The following PRKAR1A variants were observed in gnomAD, a reference collection of about 807,000 sequenced individuals.
The protein encoded by PRKAR1A is cAMP-dependent protein kinase type I-alpha regulatory subunit.
In PRKAR1A, 3 loss-of-function variants were observed where a neutral mutation model predicts 52.0. The observed-to-expected ratio is 0.06, with a 90% confidence interval of 0.03 to 0.15. PRKAR1A has a LOEUF of 0.15. PRKAR1A is among the 10% of genes least tolerant of loss of function. PRKAR1A has a pLI of 1.00. For missense variants in PRKAR1A, 240 were observed against 477.4 expected, an observed-to-expected ratio of 0.50 and a Z score of 4.63; for synonymous variants, 188 against 168.4, an observed-to-expected ratio of 1.12 and a Z score of -0.90.
Position 68,542,649 on chromosome 17 carries a change from T to A in PRKAR1A, c.974-8435T>A, listed in dbSNP as rs72845862. On this transcript the variant is annotated intron_variant, in intron 11 of 11. Coordinates refer to the PRKAR1A transcript ENST00000585981. ...GAATGGAGGGGTGGACACTCTGGCT[T>A]ACGATCTACTCAGACCCGGAATATC... 2,668 of 1,468,192 alleles carry A rather than the reference T, an allele frequency of 1.8e-3. 3 individuals carry two copies. Among genetic ancestry groups the A allele is most frequent in the Non-Finnish European group, 2.3e-3 (2,437 of 1,047,168 alleles). The allele number at this position is 1,468,192 out of a possible 1,614,324, so 90.9% of individuals were successfully genotyped here.
At chr17:68,505,674 G>A in the PRKAR1A span, among the ~76,000 whole-genome samples, 8 of 152,198 alleles carry the variant, frequency 5.3e-5, no homozygotes, top group South Asian at 6.2e-4. Context: ...TTAGCTGGGC[G>A]TGGTGGTGTA....
At chr17:68,503,238 G>A in the PRKAR1A span, among the ~76,000 whole-genome samples, 3 of 152,308 alleles carry the variant, frequency 2.0e-5, no homozygotes, top group Non-Finnish European at 4.4e-5. Context: ...AGAGCAACAG[G>A]AGCTCTCATT....
the PRKAR1A span, among the ~76,000 whole-genome samples, chr17:68,435,031 AC>A: frequency 6.6e-6 from 1 of 151,930 alleles, no homozygotes; most frequent in Non-Finnish European, 1.5e-5. Flanking sequence ...GTGAAGTGAA[AC>A]CCCGTCTCCA....
intron 11 of PRKAR1A, among the ~76,000 whole-genome samples, chr17:68,548,978 C>T (rs1386447116): frequency 3.3e-5 from 5 of 151,832 alleles, no homozygotes; most frequent in South Asian, 2.1e-4. Flanking sequence ...GTGATCTGCC[C>T]GCCTCAGCCT....
the PRKAR1A span, among the ~76,000 whole-genome samples, chr17:68,434,060 G>A: frequency 1.3e-5 from 2 of 151,904 alleles, no homozygotes; most frequent in African/African-American, 4.8e-5. Context: ...GTGAGCCACC[G>A]CGCCCGGCCC....
the PRKAR1A span, chr17:68,444,525 T>C: frequency 1.9e-6 from 3 of 1,614,042 alleles, no homozygotes; most frequent in Non-Finnish European, 2.5e-6. Context: ...CAGGAGGGTC[T>C]TCAACAGCTT....
intron 11 of PRKAR1A, among the ~76,000 whole-genome samples, chr17:68,549,456 T>C (rs1008913195): frequency 6.7e-6 from 1 of 149,758 alleles, no homozygotes; most frequent in South Asian, 2.1e-4. Flanking sequence ...ATAGCGCCAC[T>C]GCACTCCAGC....
the PRKAR1A span, among the ~76,000 whole-genome samples, chr17:68,452,259 T>C: frequency 6.6e-6 from 1 of 152,184 alleles, no homozygotes; most frequent in Admixed American, 6.5e-5. Flanking sequence ...GGTGCCAATA[T>C]AATGGCAAAA....
rs748706913 is a variant in PRKAR1A, at chr17:68,522,736, A to T, written c.178-20A>T. On this transcript the variant is annotated intron_variant, in intron 2 of 10. Coordinates refer to ENST00000589228, the MANE Select transcript of PRKAR1A (RefSeq NM_002734.5). ...TACATGCCGAAGGATCTCATTTTGC[A>T]AACTCGTAATTTCTTTCAGGAGGAG... 6 of 1,613,826 alleles carry T rather than the reference A, an allele frequency of 3.7e-6. No individual in the cohort carries two copies. In the South Asian group the frequency reaches 4.4e-5, roughly 12 times the overall value.
At chr17:68,460,663 T>A in the PRKAR1A span, among the ~76,000 whole-genome samples, 1 of 152,250 alleles carries the variant, frequency 6.6e-6, no homozygotes, top group Non-Finnish European at 1.5e-5. Context: ...TATTTTTATA[T>A]AAATCTGTGC....
chr17:68,455,298 A>T, the PRKAR1A span, among the ~76,000 whole-genome samples: 1 of 148,706 alleles, frequency 6.7e-6, no homozygotes, highest in Non-Finnish European at 1.5e-5. Flanking sequence ...TGGGAGGCAG[A>T]GGCTGCACTG....
At chr17:68,457,570 A>T in the PRKAR1A span, 204 of 105,402 alleles carry the variant, frequency 1.9e-3, 12 homozygotes, top group East Asian at 0.018. Context: ...CCCCGTCCCC[A>T]CCCCGCCCCT....
chr17:68,428,392 C>A, the PRKAR1A span: 1 of 171,384 alleles, frequency 5.8e-6, no homozygotes, highest in Admixed American at 5.9e-5. Context: ...CCACAACCGG[C>A]TAATTTTTGT....
At chr17:68,542,608 G>T in intron 11 of PRKAR1A, 1 of 991,808 alleles carries the variant, frequency 1.0e-6, no homozygotes, top group Non-Finnish European at 1.6e-6. Flanking sequence ...TAGCAGCAGG[G>T]TGTCAGGCCA....
intron 2 of PRKAR1A, among the ~76,000 whole-genome samples, chr17:68,518,653 G>A (rs545924570): frequency 1.3e-5 from 2 of 152,380 alleles, no homozygotes; most frequent in East Asian, 1.9e-4. Context: ...CCTATGATGG[G>A]AGGGGCTGTC....
intron 11 of PRKAR1A, among the ~76,000 whole-genome samples, chr17:68,540,269 C>T (rs578173280): frequency 6.6e-6 from 1 of 152,324 alleles, no homozygotes; most frequent in African/African-American, 2.4e-5. Context: ...CTTTTCACCT[C>T]GTGTATGTAT....
At chr17:68,494,093 A>T in the PRKAR1A span, among the ~76,000 whole-genome samples, 1 of 152,242 alleles carries the variant, frequency 6.6e-6, no homozygotes, top group Non-Finnish European at 1.5e-5. Context: ...GAAAATGTTT[A>T]AAAATATATA....
Position 68,533,082 on chromosome 17 carries a change from A to T in PRKAR1A, c.*2633A>T. On this transcript the variant is annotated 3_prime_UTR_variant, in exon 11 of 11. Transcript: ENST00000589228. ...GTGGCCTTGGAACTTTCCCAGACTTAATGGGGAAACATCATTTCTAGATTA... is the reference window on the plus strand; with the variant it reads ...GTGGCCTTGGAACTTTCCCAGACTTTATGGGGAAACATCATTTCTAGATTA... 1.9e-6 allele frequency: 2 copies of T among 1,065,626 alleles called. No homozygotes were observed. Among genetic ancestry groups the T allele is most frequent in the South Asian group, 9.1e-5 (2 of 21,984 alleles). The allele number at this position is 1,065,626 out of a possible 1,614,324, so 66.0% of individuals were successfully genotyped here. A position where few individuals can be genotyped will look rare whatever the true frequency, so the allele number is the denominator to read the frequency against.
At chr17:68,442,489 A>C in the PRKAR1A span, among the ~76,000 whole-genome samples, 1 of 151,552 alleles carries the variant, frequency 6.6e-6, no homozygotes, top group Non-Finnish European at 1.5e-5. Context: ...AAAAAGGAGA[A>C]ACATCTGTTT....
Sources: allele counts gnomAD v4.1 joint callset (sites outside exome capture counted in the v4.1 genomes callset), GRCh38; gene constraint gnomAD v4.1.1; transcripts MANE v1.5; gene names NCBI Gene and HGNC (gene_info 2026-07-23, HGNC 2026-07-21).